The following TRPC3 variants were observed in gnomAD, a reference collection of about 807,000 sequenced individuals.
The protein encoded by TRPC3 is short transient receptor potential channel 3.
TRPC3 carries 54 observed loss-of-function variants against 90.9 expected under a neutral mutation model. The observed-to-expected ratio is 0.59, with a 90% CI of 0.48 to 0.75. The LOEUF (loss-of-function observed/expected upper bound fraction) is 0.75. Among genes scored for constraint, TRPC3 ranks in the 30% least tolerant of loss-of-function variants. The probability of loss-of-function intolerance (pLI) is 0.00; values close to 1 mark genes in which losing one functional copy is unlikely to be tolerated. For synonymous variants in TRPC3, 424 were observed against 450.9 expected (o/e 0.94, Z 0.75); for missense variants, 918 against 1,194.5 (o/e 0.77, Z 3.41).
intron 1 of TRPC3, among the ~76,000 whole-genome samples, chr4:121,938,381 T>C (rs1214581332): frequency 6.6e-6 from 1 of 152,216 alleles, no homozygotes; most frequent in Non-Finnish European, 1.5e-5. Context: ...GTTTTGATCA[T>C]GTCAGTCACA....
intron 1 of TRPC3, among the ~76,000 whole-genome samples, chr4:121,947,705 C>T (rs1388499672): frequency 1.3e-5 from 2 of 152,076 alleles, no homozygotes; most frequent in Non-Finnish European, 2.9e-5. Context: ...TGAGTATAAA[C>T]GACAGCATGA....
At chr4:121,894,068 A>G (rs1728425967) in intron 10 of TRPC3, among the ~76,000 whole-genome samples, 2 of 152,148 alleles carry the variant, frequency 1.3e-5, no homozygotes, top group Non-Finnish European at 2.9e-5. Context: ...TAACCAGACA[A>G]TTCCATGTAT....
chr4:121,943,813 C>A (rs1730400110), intron 1 of TRPC3, among the ~76,000 whole-genome samples: 1 of 152,120 alleles, frequency 6.6e-6, no homozygotes, highest in South Asian at 2.1e-4. Flanking sequence ...TTTTCCTTAA[C>A]AAGTCACACA....
chr4:121,929,666 C>G (rs1006451856), intron 2 of TRPC3, among the ~76,000 whole-genome samples: 4 of 151,994 alleles, frequency 2.6e-5, no homozygotes, highest in Admixed American at 6.6e-5. Flanking sequence ...GGGTATTGAC[C>G]TTCACATGTT....
intron 9 of TRPC3, 24 bp downstream of exon 9, chr4:121,902,828 T>A (rs1728746950): frequency 6.6e-7 from 1 of 1,513,450 alleles, no homozygotes; most frequent in Admixed American, 2.1e-5. Flanking sequence ...TATTTTAAGG[T>A]CTTGGTAAGT....
chr4:121,930,071 C>G (rs1031851121), intron 2 of TRPC3, among the ~76,000 whole-genome samples: 1 of 151,654 alleles, frequency 6.6e-6, no homozygotes. Flanking sequence ...CCCTGACAGA[C>G]GGACATGAAC....
chr4:121,894,709 A>T (rs1283463494), intron 10 of TRPC3, among the ~76,000 whole-genome samples: 1 of 151,882 alleles, frequency 6.6e-6, no homozygotes, highest in Non-Finnish European at 1.5e-5. Flanking sequence ...GATTACAGGC[A>T]TGTGCCACTA....
intron 5 of TRPC3, among the ~76,000 whole-genome samples, chr4:121,910,910 A>G (rs556107015): frequency 1.3e-5 from 2 of 152,306 alleles, no homozygotes; most frequent in South Asian, 2.1e-4. Flanking sequence ...AAAAGTGAGC[A>G]ATATCGTTTG....
chr4:121,934,406 C>T (rs931608261), intron 1 of TRPC3, among the ~76,000 whole-genome samples: 5 of 152,164 alleles, frequency 3.3e-5, no homozygotes, highest in African/African-American at 1.2e-4. Context: ...AAATCTGTAT[C>T]TTACCTTACC....
rs1729962142 is a variant in TRPC3, at chr4:121,932,310, G to C, written c.948C>G (p.Asn316Lys). 6.2e-7 allele frequency: 1 copy of C among 1,614,014 alleles called. No homozygotes were observed. The highest frequency in any genetic ancestry group is 1.3e-5 in the African/African-American group (1 of 74,928). ...CTATGTTGGCCAGCTTGGCCAGCTC[G>C]TTGCTGAGCTCTAGGGCCGTAAGCA... Reference protein sequence around the residue: ...DPVLTALELSNELAKLANIEK... With the variant: ...DPVLTALELSKELAKLANIEK... The change falls in exon 2 of 12, where the codon AAC becomes AAG. Residue 316 changes from asparagine (N) to lysine (K), a missense_variant. Coordinates refer to ENST00000379645, the MANE Select transcript of TRPC3 (RefSeq NM_001130698.2). The surrounding 1 kb of genome is among the most constrained non-coding windows in gnomAD (Gnocchi z 7.7).
chr4:121,919,812 TCTC>T (rs1729441913), intron 3 of TRPC3, among the ~76,000 whole-genome samples: 1 of 152,200 alleles, frequency 6.6e-6, no homozygotes, highest in African/African-American at 2.4e-5. Context: ...CAGGAAATGT[TCTC>T]CTTCTCTTTC....
At chr4:121,937,523 C>A (rs1328109463) in intron 1 of TRPC3, among the ~76,000 whole-genome samples, 13 of 152,220 alleles carry the variant, frequency 8.5e-5, no homozygotes, top group Non-Finnish European at 2.9e-5. Flanking sequence ...TACAGAAATG[C>A]CTTCAGCAGT....
intron 1 of TRPC3, among the ~76,000 whole-genome samples, chr4:121,946,012 A>G (rs573855988): frequency 6.6e-6 from 1 of 152,334 alleles, no homozygotes; most frequent in Admixed American, 6.5e-5. Flanking sequence ...GTTGGGAGAT[A>G]GAGACAAGGA....
At position 121,912,064 on chromosome 4, in the gene TRPC3, C is replaced by T. The variant is rs1729127425; in HGVS notation, c.1371G>A (p.Met457Ile). 5 of 1,613,604 alleles carry T rather than the reference C, an allele frequency of 3.1e-6. No individual in the cohort carries two copies. The highest frequency in any genetic ancestry group is 4.2e-6 in the Non-Finnish European group (5 of 1,179,758). Reference protein sequence around the residue: ...RLGKILRSPFMKFVAHAASFI... With the variant: ...RLGKILRSPFIKFVAHAASFI... Reference sequence around the variant, plus strand: ...AAGAAGCTGCATGTGCTACAAACTTCATAAAAGGGCTTCGCAGAATTTTCC... The same window carrying T: ...AAGAAGCTGCATGTGCTACAAACTTTATAAAAGGGCTTCGCAGAATTTTCC... Residue 457 changes from methionine to isoleucine, a missense_variant, in exon 5 of 12, where the codon ATG (methionine) becomes ATA (isoleucine). Coordinates refer to ENST00000379645, the MANE Select transcript of TRPC3 (RefSeq NM_001130698.2).
At chr4:121,916,350 C>G (rs1729317012) in intron 3 of TRPC3, among the ~76,000 whole-genome samples, 1 of 152,218 alleles carries the variant, frequency 6.6e-6, no homozygotes, top group Non-Finnish European at 1.5e-5. Context: ...CCACTGATGG[C>G]TGCACTGGCA....
At chr4:121,943,853 A>G (rs1254263723) in intron 1 of TRPC3, among the ~76,000 whole-genome samples, 1 of 152,192 alleles carries the variant, frequency 6.6e-6, no homozygotes, top group Non-Finnish European at 1.5e-5. Context: ...CATTTTTTAA[A>G]AAGACCTAGG....
chr4:121,943,933 T>TA (rs1553943306), intron 1 of TRPC3, among the ~76,000 whole-genome samples: 2 of 152,180 alleles, frequency 1.3e-5, no homozygotes, highest in Middle Eastern at 3.4e-3. Flanking sequence ...GGTTTTTTTT[T>TA]AACTAGATAA....
At position 121,909,579 on chromosome 4, in the gene TRPC3, T is replaced by C. The variant is rs542352183; in HGVS notation, c.1792+575A>G. Among the ~76,000 whole-genome samples the C allele has an allele frequency of 2.6e-5, 4 of 152,220 alleles. No homozygotes were observed. The East Asian group carries it at 7.7e-4, about 29-fold the overall frequency. On this transcript the variant is annotated intron_variant, in intron 6 of 11. Transcript: ENST00000379645. ...ATGTCAGCTGAGGTCTCACTGCTCT[T>C]CATAATATAGAGATATTTGACATGA...
rs1728915332 is a variant in TRPC3 at position 121,907,286 on chromosome 4, T to G, written c.2057+17A>C. 1 of 1,592,888 alleles carries G rather than the reference T, an allele frequency of 6.3e-7. No homozygotes were observed. The highest frequency in any genetic ancestry group is 1.4e-5 in the African/African-American group (1 of 73,688). On this transcript the variant is annotated intron_variant, in intron 7 of 11. Transcript: ENST00000379645. Reference sequence around the variant, plus strand: ...ATTTCTCTTTATCATACCTGTATAATAAGATATTTTACTTACGTGGTAAAA... The same window carrying G: ...ATTTCTCTTTATCATACCTGTATAAGAAGATATTTTACTTACGTGGTAAAA...
Sources: gnomAD v4.1 joint callset for allele counts (sites outside exome capture counted in the v4.1 genomes callset) on GRCh38, gnomAD v4.1.1 for gene constraint, Gnocchi (gnomAD v3.1) non-coding constraint, MANE v1.5 for transcripts, NCBI Gene and HGNC (gene_info 2026-07-23, HGNC 2026-07-21) for gene names.